Variants in CAPSL observed in about 807,000 individuals in gnomAD.
CAPSL encodes the protein calcyphosine like, also known as calcyphosin-like protein.
A neutral mutation model predicts 21.3 loss-of-function variants in CAPSL; 17 were observed. That is an observed-to-expected ratio of 0.80 (90% CI 0.55 to 1.20). The LOEUF (loss-of-function observed/expected upper bound fraction) is 1.20, where lower values mean the gene tolerates loss of function less well. Among genes scored for constraint, CAPSL ranks in the 50% most tolerant of loss-of-function variants. The pLI, the probability that CAPSL is intolerant of heterozygous loss-of-function variation, is 0.00. For synonymous variants in CAPSL, 102 were observed against 89.3 expected, an observed-to-expected ratio of 1.14 and a Z score of -0.80; for missense variants, 289 against 259.3, an observed-to-expected ratio of 1.11 and a Z score of -0.79.
intron 1 of CAPSL, among the ~76,000 whole-genome samples, chr5:35,929,737 G>A (rs1258162696): frequency 6.6e-6 from 1 of 152,172 alleles, no homozygotes; most frequent in Non-Finnish European, 1.5e-5. Flanking sequence ...TTGGAGTGCT[G>A]CTAGATTTCA....
At chr5:35,916,587 A>G (rs1253088064) in intron 2 of CAPSL, among the ~76,000 whole-genome samples, 1 of 152,206 alleles carries the variant, frequency 6.6e-6, no homozygotes, top group Non-Finnish European at 1.5e-5. Context: ...GATCTTTGAC[A>G]AACCTGACAA....
intron 1 of CAPSL, among the ~76,000 whole-genome samples, chr5:35,921,710 T>G (rs1409693310): frequency 6.6e-6 from 1 of 152,176 alleles, no homozygotes; most frequent in Non-Finnish European, 1.5e-5. Context: ...CAAACTCTTG[T>G]AGCCACACTT....
Position 35,912,475 on chromosome 5 carries a change from G to A in CAPSL, c.138-1932C>T, listed in dbSNP as rs556518200. Among the ~76,000 whole-genome samples the A allele has an allele frequency of 2.4e-3, 361 of 152,260 alleles. 2 individuals carry two copies. The highest frequency in any genetic ancestry group is 8.3e-3 in the African/African-American group (345 of 41,548). On this transcript the variant is annotated intron_variant, in intron 2 of 4. Coordinates refer to ENST00000651391, the MANE Select transcript of CAPSL (RefSeq NM_001042625.2). ...AGGCACCCCCCAGTAGGGGCAGACT[G>A]ACACCTCACACGGCCAGGTACTCCT...
At chr5:35,933,970 A>T (rs538032026) in intron 1 of CAPSL, among the ~76,000 whole-genome samples, 3 of 152,280 alleles carry the variant, frequency 2.0e-5, no homozygotes, top group African/African-American at 7.2e-5. Flanking sequence ...TGTTCATGGG[A>T]TTGAGAATCC....
chr5:35,924,561 G>GA (rs1441523955), intron 1 of CAPSL, among the ~76,000 whole-genome samples: 1 of 152,024 alleles, frequency 6.6e-6, no homozygotes, highest in African/African-American at 2.4e-5. Context: ...AATTCAAGGG[G>GA]AAAAAAGTCC....
At chr5:35,927,803 C>A (rs1361399154) in intron 1 of CAPSL, among the ~76,000 whole-genome samples, 1 of 152,140 alleles carries the variant, frequency 6.6e-6, no homozygotes, top group African/African-American at 2.4e-5. Context: ...AAAATTAAAC[C>A]ATCTGCACTG....
chr5:35,919,191 A>ATATATATATATATAT (rs1561439733), intron 2 of CAPSL, among the ~76,000 whole-genome samples: 1 of 107,450 alleles, frequency 9.3e-6, no homozygotes. Context: ...ATATATATAT[A>ATATATATATATATAT]AAAATTGTGA....
At chr5:35,926,555 T>G (rs983795516) in intron 1 of CAPSL, among the ~76,000 whole-genome samples, 5 of 152,186 alleles carry the variant, frequency 3.3e-5, no homozygotes, top group South Asian at 2.1e-4. Context: ...GTTCCCTCCG[T>G]AAGGTTCAGA....
Position 35,918,652 on chromosome 5 carries a change from GACTTTTA to G in CAPSL, c.137+2325_137+2331del, listed in dbSNP as rs946788172. Among the ~76,000 whole-genome samples, 16 of 152,220 alleles carry G rather than the reference GACTTTTA, an allele frequency of 1.1e-4. 3 individuals are homozygous for G. Among genetic ancestry groups the G allele is most frequent in the East Asian group, 3.9e-4 (2 of 5,180 alleles). ...AAAGTTGGAGTAATCAGAATCTAAA[GACTTTTA>G]AATGTCCTTAAATGCTAAAAATTTG... On this transcript the variant is annotated intron_variant, in intron 2 of 4. Transcript: ENST00000651391.
At chr5:35,919,660 G>A (rs1344322356) in intron 2 of CAPSL, among the ~76,000 whole-genome samples, 1 of 152,188 alleles carries the variant, frequency 6.6e-6, no homozygotes, top group Non-Finnish European at 1.5e-5. Context: ...TAGACTGAAG[G>A]AGAGTGTTCA....
At chr5:35,919,192 A>ATATATATATATATATATATATATAT (rs1561439742) in intron 2 of CAPSL, among the ~76,000 whole-genome samples, 3 of 108,224 alleles carry the variant, frequency 2.8e-5, no homozygotes, top group African/African-American at 9.6e-5. Flanking sequence ...TATATATATA[A>ATATATATATATATATATATATATAT]AAATTGTGAA....
intron 2 of CAPSL, among the ~76,000 whole-genome samples, chr5:35,913,200 G>T (rs1738279614): frequency 6.6e-6 from 1 of 152,094 alleles, no homozygotes; most frequent in Admixed American, 6.6e-5. Context: ...AAGAAATATG[G>T]GACTATGTGA....
At position 35,923,001 on chromosome 5, in the gene CAPSL, C is replaced by A. The variant is rs74440139; in HGVS notation, c.1-1881G>T. ...ACCCCAACCCCTATGGAAGCAGGAA[C>A]TGGTGTCAACAACATGCCCTTCTCA... On this transcript the variant is annotated intron_variant, in intron 1 of 4. Transcript: ENST00000651391. Among the ~76,000 whole-genome samples the A allele has an allele frequency of 5.2e-3, 795 of 152,200 alleles. 8 individuals are homozygous for A. The highest frequency in any genetic ancestry group is 0.033 in the South Asian group (159 of 4,820).
intron 1 of CAPSL, among the ~76,000 whole-genome samples, chr5:35,930,218 A>G (rs757551383): frequency 3.4e-4 from 52 of 152,246 alleles, no homozygotes; most frequent in Non-Finnish European, 6.2e-4. Context: ...GTATCAGAAT[A>G]CATTTTCTCG....
chr5:35,919,167 A>C (rs1738468098), intron 2 of CAPSL, among the ~76,000 whole-genome samples: 1 of 127,864 alleles, frequency 7.8e-6, no homozygotes, highest in Non-Finnish European at 1.7e-5. Flanking sequence ...GATTAAAAAA[A>C]AAAATATATA....
At chr5:35,912,498 C>G (rs969355592) in intron 2 of CAPSL, among the ~76,000 whole-genome samples, 4 of 152,160 alleles carry the variant, frequency 2.6e-5, no homozygotes, top group African/African-American at 9.7e-5. Context: ...GCCAGGTACT[C>G]CTCTGAGACA....
At chr5:35,927,199 G>A (rs1047372987) in intron 1 of CAPSL, among the ~76,000 whole-genome samples, 8 of 152,154 alleles carry the variant, frequency 5.3e-5, no homozygotes, top group African/African-American at 1.7e-4. Flanking sequence ...CTGTCCTGTT[G>A]AGGAAGTCCT....
At chr5:35,916,494 T>C (rs1201536514) in intron 2 of CAPSL, among the ~76,000 whole-genome samples, 6 of 152,176 alleles carry the variant, frequency 3.9e-5, no homozygotes, top group African/African-American at 7.2e-5. Flanking sequence ...CAAAACAGCA[T>C]GGTACTGGTA....
chr5:35,926,472 C>T (rs34070494), intron 1 of CAPSL, among the ~76,000 whole-genome samples: 1 of 50,876 alleles, frequency 2.0e-5, no homozygotes, highest in Non-Finnish European at 3.9e-5. Flanking sequence ...CAAACTCTCT[C>T]CCGCCTGGAT....
Sources: gnomAD v4.1 joint callset for allele counts (sites outside exome capture counted in the v4.1 genomes callset) on GRCh38, gnomAD v4.1.1 for gene constraint, MANE v1.5 for transcripts, NCBI Gene and HGNC (gene_info 2026-07-23, HGNC 2026-07-21) for gene names.